Variants in SIPA1L1 observed in about 807,000 individuals in gnomAD.
The protein encoded by SIPA1L1 is signal induced proliferation associated 1 like 1, also known as signal-induced proliferation-associated 1-like protein 1.
A neutral mutation model predicts 162.7 loss-of-function variants in SIPA1L1; 26 were observed. The ratio of observed to expected loss-of-function variants is 0.16; its 90% confidence interval spans 0.12 to 0.22. SIPA1L1 has a LOEUF of 0.22. SIPA1L1 is among the 10% of genes least tolerant of loss of function. SIPA1L1 has a pLI of 1.00. For missense variants in SIPA1L1, 1,874 were observed against 2,241.0 expected (o/e 0.84, Z 3.31); for synonymous variants, 829 against 837.4 (o/e 0.99, Z 0.17).
At chr14:71,589,493 G>A in intron 5 of SIPA1L1, 123 bp downstream of exon 5, 1 of 594,238 alleles carries the variant, frequency 1.7e-6, no homozygotes, top group Non-Finnish European at 2.8e-6. Flanking sequence ...TTTCTTGATG[G>A]TAAAATAGCT....
At chr14:71,597,312 A>G (rs937332666) in intron 5 of SIPA1L1, among the ~76,000 whole-genome samples, 1 of 151,872 alleles carries the variant, frequency 6.6e-6, no homozygotes, top group African/African-American at 2.4e-5. Flanking sequence ...GTTTTTTCTT[A>G]TATAACCTCC....
At chr14:71,611,266 C>A (rs886577293) in intron 5 of SIPA1L1, among the ~76,000 whole-genome samples, 4 of 152,258 alleles carry the variant, frequency 2.6e-5, no homozygotes, top group South Asian at 2.1e-4. Context: ...ACATTGAATT[C>A]TCCAATCCTT....
At chr14:71,422,370 G>C (rs1335749467) in intron 2 of SIPA1L1, among the ~76,000 whole-genome samples, 1 of 152,006 alleles carries the variant, frequency 6.6e-6, no homozygotes, top group African/African-American at 2.4e-5. Flanking sequence ...CAGTTCGTTG[G>C]TATTAAATAC....
intron 2 of SIPA1L1, among the ~76,000 whole-genome samples, chr14:71,451,944 C>T (rs140457650): frequency 6.4e-4 from 98 of 152,158 alleles, no homozygotes; most frequent in African/African-American, 2.1e-3. Flanking sequence ...AAAACAATTT[C>T]GTGAACAAAA....
At chr14:71,602,002 C>CA (rs993587382) in intron 5 of SIPA1L1, among the ~76,000 whole-genome samples, 67 of 146,428 alleles carry the variant, frequency 4.6e-4, no homozygotes, top group African/African-American at 1.3e-3. Context: ...TTTGTCTTTT[C>CA]AAAAAAAACA....
intron 13 of SIPA1L1, among the ~76,000 whole-genome samples, chr14:71,690,832 C>G (rs2081201485): frequency 6.6e-6 from 1 of 152,226 alleles, no homozygotes; most frequent in Admixed American, 6.5e-5. Context: ...CTTAGCTGAT[C>G]TGTTTTGCCT....
intron 4 of SIPA1L1, among the ~76,000 whole-genome samples, chr14:71,544,075 G>GCACATGTATGTATATACACACGCACA (rs2054837499): frequency 6.8e-6 from 1 of 147,206 alleles, no homozygotes; most frequent in South Asian, 2.1e-4. Context: ...ACACACGCAC[G>GCACATGTATGTATATACACACGCACA]CACATGTATG....
chr14:71,325,536 G>A (rs2033691189), intron 2 of SIPA1L1, among the ~76,000 whole-genome samples: 4 of 152,320 alleles, frequency 2.6e-5, no homozygotes, highest in Admixed American at 2.0e-4. Context: ...GGTAGGTAAT[G>A]TTCACCAGTC....
At chr14:71,535,878 C>T (rs986845922) in intron 4 of SIPA1L1, among the ~76,000 whole-genome samples, 3 of 152,048 alleles carry the variant, frequency 2.0e-5, no homozygotes, top group African/African-American at 7.2e-5. Context: ...GCAAAATGCA[C>T]GGATTACAGG....
chr14:71,642,771 T>A (rs986688316), intron 7 of SIPA1L1, among the ~76,000 whole-genome samples: 1 of 152,118 alleles, frequency 6.6e-6, no homozygotes, highest in Non-Finnish European at 1.5e-5. Context: ...GACTCTGATG[T>A]CTTTTTAATG....
intron 9 of SIPA1L1, 52 bp from the exon 10 acceptor site, chr14:71,661,258 C>T (rs1037096260): frequency 1.0e-5 from 16 of 1,580,292 alleles, no homozygotes; most frequent in East Asian, 9.0e-5. Context: ...ATTGGGGTGG[C>T]GGGGGAAGCA....
intron 17 of SIPA1L1, among the ~76,000 whole-genome samples, chr14:71,722,492 CA>C (rs1354366412): frequency 1.3e-5 from 2 of 152,186 alleles, no homozygotes; most frequent in African/African-American, 2.4e-5. Context: ...TCTGTTGTAG[CA>C]AGAGTCAGCC....
intron 4 of SIPA1L1, among the ~76,000 whole-genome samples, chr14:71,531,538 T>C (rs2145370271): frequency 6.6e-6 from 1 of 151,860 alleles, no homozygotes; most frequent in South Asian, 2.1e-4. Flanking sequence ...GAAATGTATC[T>C]TTTTTTTGTT....
chr14:71,661,762 T>C (rs2043540197), intron 10 of SIPA1L1, among the ~76,000 whole-genome samples: 1 of 152,224 alleles, frequency 6.6e-6, no homozygotes, highest in African/African-American at 2.4e-5. Flanking sequence ...TTGCTAATTA[T>C]ATTTTTCTTT....
At chr14:71,606,668 A>T (rs1202998602) in intron 5 of SIPA1L1, among the ~76,000 whole-genome samples, 1 of 152,072 alleles carries the variant, frequency 6.6e-6, no homozygotes, top group Non-Finnish European at 1.5e-5. Flanking sequence ...CACAATGGAA[A>T]TGTGGCTCGT....
At chr14:71,346,310 T>TTAA (rs2036162785) in intron 2 of SIPA1L1, among the ~76,000 whole-genome samples, 1 of 152,248 alleles carries the variant, frequency 6.6e-6, no homozygotes, top group African/African-American at 2.4e-5. Flanking sequence ...AGACATCTGA[T>TTAA]AAGTCTTAGA....
chr14:71,663,009 A>G (rs2043670492), intron 10 of SIPA1L1, among the ~76,000 whole-genome samples: 1 of 152,204 alleles, frequency 6.6e-6, no homozygotes, highest in Non-Finnish European at 1.5e-5. Context: ...GTGGAAAGCT[A>G]TGCAGTTTCT....
chr14:71,437,927 T>C lies in SIPA1L1; in HGVS notation c.-464-74816T>C, dbSNP rs117891998. 2.0e-5 allele frequency among the ~76,000 whole-genome samples: 3 copies of C among 152,302 alleles called. No individual in the cohort carries two copies. In the East Asian group the frequency reaches 5.8e-4, roughly 29 times the overall value. ...GAAATTTAAAATATACACAGGCATGTACCGTAACTCTTTAGTTGTTTACTC... is the reference window on the plus strand; with the variant it reads ...GAAATTTAAAATATACACAGGCATGCACCGTAACTCTTTAGTTGTTTACTC... On this transcript the variant is annotated intron_variant, in intron 2 of 23. Coordinates refer to ENST00000381232, the MANE Select transcript of SIPA1L1 (RefSeq NM_001386936.1).
intron 2 of SIPA1L1, among the ~76,000 whole-genome samples, chr14:71,354,458 G>A (rs1594964486): frequency 2.0e-5 from 3 of 151,848 alleles, no homozygotes; most frequent in Admixed American, 2.0e-4. Flanking sequence ...TCATATTTTT[G>A]TAGAGGGGGG....
Sources: gnomAD v4.1 joint callset for allele counts (sites outside exome capture counted in the v4.1 genomes callset) on GRCh38, gnomAD v4.1.1 for gene constraint, MANE v1.5 for transcripts, NCBI Gene and HGNC (gene_info 2026-07-23, HGNC 2026-07-21) for gene names.